SVIL: variants seen among roughly 807,000 people sequenced by gnomAD.
SVIL encodes the protein supervillin, also known as archvillin.
A neutral mutation model predicts 240.4 loss-of-function variants in SVIL; 101 were observed. That is an observed-to-expected ratio of 0.42 (90% CI 0.36 to 0.50). SVIL has a LOEUF of 0.50. Among genes scored for constraint, SVIL ranks in the 20% least tolerant of loss-of-function variants. The pLI, the probability that SVIL is intolerant of heterozygous loss-of-function variation, is 0.01. For missense variants in SVIL, 2,512 were observed against 2,818.7 expected (o/e 0.89, Z 2.46); for synonymous variants, 999 against 1,100.0 (o/e 0.91, Z 1.82).
intron 1 of SVIL, among the ~76,000 whole-genome samples, chr10:29,613,281 GGT>G (rs1957316884): frequency 6.6e-6 from 1 of 151,918 alleles, no homozygotes; most frequent in African/African-American, 2.4e-5. Flanking sequence ...TGAGTAAATA[GGT>G]CTGGGTGGGG....
At chr10:29,617,991 A>T (rs888754309) in intron 1 of SVIL, among the ~76,000 whole-genome samples, 2 of 152,202 alleles carry the variant, frequency 1.3e-5, no homozygotes, top group African/African-American at 4.8e-5. Flanking sequence ...CCATATGAAA[A>T]CATCCTGCAG....
At chr10:29,589,746 G>A (rs561023638) in intron 1 of SVIL, among the ~76,000 whole-genome samples, 162 of 152,288 alleles carry the variant, frequency 1.1e-3, no homozygotes, top group African/African-American at 3.7e-3. Flanking sequence ...GATCTACCTG[G>A]ATGTTCTTAT....
Position 29,473,989 on chromosome 10 carries a change from A to C in SVIL, c.5378T>G (p.Val1793Gly). The C allele has an allele frequency of 6.2e-7, 1 of 1,612,538 alleles. No homozygotes were observed. The change falls in exon 30 of 38, where the codon GTG (valine) becomes GGG (glycine). Residue 1793 changes from valine (V) to glycine (G), a missense_variant and splice_region_variant. This residue lies in a region of SVIL where 797 missense variants were observed against 925.3 expected (regional missense o/e 0.86). Transcript: ENST00000355867. The stretch of plus-strand genomic sequence containing the variant: ...GTGCTCTCCCTTCTGGCGACTTCCC[A>C]CTGCAAACACAGAATGGCAGAGGGA... ...VKWKFMVSTA[V>G]GSRQKGEHSV...
chr10:29,559,875 G>A (rs1441079485), intron 3 of SVIL, among the ~76,000 whole-genome samples: 1 of 152,156 alleles, frequency 6.6e-6, no homozygotes, highest in African/African-American at 2.4e-5. Context: ...CACCTAATAG[G>A]CTTTGCAATA....
intron 2 of SVIL, among the ~76,000 whole-genome samples, chr10:29,678,325 C>T (rs1960360562): frequency 6.6e-6 from 1 of 151,858 alleles, no homozygotes; most frequent in Admixed American, 6.6e-5. Context: ...GATCATCAGG[C>T]ATTAGATTCT....
At chr10:29,697,067 G>T (rs1418944640) in intron 1 of SVIL, among the ~76,000 whole-genome samples, 1 of 129,156 alleles carries the variant, frequency 7.7e-6, no homozygotes, top group Non-Finnish European at 1.7e-5. Flanking sequence ...GGTGAGGGGC[G>T]CCTCTGCCCG....
chr10:29,642,470 CG>C (rs1958522090), intron 3 of SVIL, among the ~76,000 whole-genome samples: 1 of 69,460 alleles, frequency 1.4e-5, no homozygotes, highest in Admixed American at 1.4e-4. Flanking sequence ...AAAGAAAGAC[CG>C]ACCCCTAATC....
Position 29,462,292 on chromosome 10 carries a change from A to T in SVIL, c.6387T>A (p.Ala2129=). The T allele has an allele frequency of 1.2e-6, 2 of 1,613,978 alleles. No individual in the cohort carries two copies. Among genetic ancestry groups the T allele is most frequent in the Non-Finnish European group, 1.7e-6 (2 of 1,179,854 alleles). Residue 2129 remains alanine, a synonymous_variant, in exon 36 of 38, where the codon GCT becomes GCA. Transcript: ENST00000355867. ...FPSWEHREDI[A]EITEMDTEVS... ...GCGTGCTCACCATCTCTGTGATCTC[A>T]GCGATGTCCTCTCTGTGCTCCCAGC...
rs542760637 is a variant in SVIL at position 29,676,295 on chromosome 10, G to A, written c.-301+10258C>T. 3.3e-5 allele frequency among the ~76,000 whole-genome samples: 5 copies of A among 152,158 alleles called. No individual in the cohort carries two copies. In the East Asian group the frequency reaches 9.7e-4, roughly 29 times the overall value. On this transcript the variant is annotated intron_variant, in intron 2 of 35. Coordinates refer to the SVIL transcript ENST00000375400. ...CAGCAGGATCAAGACCGAACCACTG[G>A]TGTTTTGGTAACATTACCTCTCAGT... is the stretch of plus-strand genomic sequence containing the variant.
chr10:29,545,014 G>T (rs1262624716), intron 6 of SVIL: 2 of 534,540 alleles, frequency 3.7e-6, no homozygotes, highest in Admixed American at 1.9e-5. Flanking sequence ...TCTCCATGAT[G>T]CACTGTCCTG....
chr10:29,549,187 C>T (rs1167869683), intron 6 of SVIL, among the ~76,000 whole-genome samples: 36 of 143,036 alleles, frequency 2.5e-4, no homozygotes, highest in East Asian at 1.8e-3. Context: ...AACAAACAAA[C>T]AACCCCATCA....
intron 1 of SVIL, among the ~76,000 whole-genome samples, chr10:29,714,948 T>TA (rs61107910): frequency 0.35 from 27,169 of 78,368 alleles, 3,316 homozygotes; most frequent in East Asian, 0.41. Context: ...TGTCTGAAAT[T>TA]AAAAAAAAAA....
intron 1 of SVIL, among the ~76,000 whole-genome samples, chr10:29,584,627 C>T (rs1000176445): frequency 1.1e-4 from 16 of 152,222 alleles, no homozygotes; most frequent in African/African-American, 3.4e-4. Flanking sequence ...CCCCGTGCCT[C>T]GTTCACTGGC....
intron 1 of SVIL, among the ~76,000 whole-genome samples, chr10:29,618,254 C>T (rs1337579480): frequency 1.3e-5 from 2 of 152,200 alleles, no homozygotes; most frequent in African/African-American, 2.4e-5. Context: ...ATGACCTCAA[C>T]TCGTAATTTT....
At chr10:29,706,288 C>A (rs571192687) in intron 1 of SVIL, among the ~76,000 whole-genome samples, 11 of 152,312 alleles carry the variant, frequency 7.2e-5, no homozygotes, top group African/African-American at 2.2e-4. Flanking sequence ...AGTGTAAAAG[C>A]ATTCCTATTT....
At chr10:29,735,919 TCGCGCGTCCCCACCCCTTGCGACC>T (rs1008195079), upstream of SVIL, 1 of 152,000 alleles carries the variant, frequency 6.6e-6, no homozygotes. The surrounding 1 kb of genome is among the most constrained non-coding windows in gnomAD (Gnocchi z 4.1). Flanking sequence ...ACCTGGAGGC[TCGCGCGTCCCCACCCCTTGCGACC>T]CGCGCGGCGG....
At chr10:29,507,352 C>A (rs1366390482) in intron 17 of SVIL, among the ~76,000 whole-genome samples, 2 of 152,188 alleles carry the variant, frequency 1.3e-5, no homozygotes, top group African/African-American at 4.8e-5. Context: ...TGAAAGGGGA[C>A]ACTCTCCTCT....
chr10:29,727,797 G>A (rs1964380778), intron 1 of SVIL, among the ~76,000 whole-genome samples: 1 of 151,896 alleles, frequency 6.6e-6, no homozygotes, highest in South Asian at 2.1e-4. Flanking sequence ...TATTTTTGCA[G>A]GGAACAAGTG....
At chr10:29,718,830 C>G (rs1183194936) in intron 1 of SVIL, among the ~76,000 whole-genome samples, 1 of 152,160 alleles carries the variant, frequency 6.6e-6, no homozygotes, top group Non-Finnish European at 1.5e-5. Flanking sequence ...AAAAACTCAG[C>G]CAGCCATGGT....
Sources: allele counts gnomAD v4.1 joint callset (sites outside exome capture counted in the v4.1 genomes callset), GRCh38; gene constraint gnomAD v4.1.1; regional missense constraint gnomAD v4.1.1; non-coding constraint Gnocchi (gnomAD v3.1); transcripts MANE v1.5; gene names NCBI Gene and HGNC (gene_info 2026-07-23, HGNC 2026-07-21).